Variants in PCDH15 observed in about 807,000 individuals in gnomAD.
The protein encoded by PCDH15 is protocadherin-15.
In PCDH15, 129 loss-of-function variants were observed where a neutral mutation model predicts 178.5. The observed-to-expected ratio is 0.72, with a 90% CI of 0.63 to 0.84. The LOEUF is 0.84. Ranked by LOEUF, PCDH15 falls within the 40% of genes least tolerant of loss-of-function variation. The pLI is 0.00. For missense variants in PCDH15, 2,230 were observed against 2,099.9 expected (o/e 1.06, Z -1.21); for synonymous variants, 800 against 732.0 (o/e 1.09, Z -1.50).
intron 1 of PCDH15, among the ~76,000 whole-genome samples, chr10:55,211,237 G>A (rs1317634471): frequency 6.6e-6 from 1 of 152,022 alleles, no homozygotes; most frequent in Non-Finnish European, 1.5e-5. Context: ...TGGATGATAG[G>A]TTAATATTAT....
chr10:53,878,700 T>G (rs2133311700), intron 26 of PCDH15, among the ~76,000 whole-genome samples: 1 of 151,946 alleles, frequency 6.6e-6, no homozygotes, highest in South Asian at 2.1e-4. Context: ...ACGTTTTAAT[T>G]TTGTGTGTCC....
intron 2 of PCDH15, among the ~76,000 whole-genome samples, chr10:55,470,584 C>A (rs1839935364): frequency 6.6e-6 from 1 of 152,056 alleles, no homozygotes; most frequent in Non-Finnish European, 1.5e-5. Context: ...GGCTTTTATG[C>A]ATAGCCTCTT....
chr10:55,306,216 T>C (rs1221368929), intron 1 of PCDH15, among the ~76,000 whole-genome samples: 1 of 152,216 alleles, frequency 6.6e-6, no homozygotes, highest in Non-Finnish European at 1.5e-5. Flanking sequence ...CATCAGTATT[T>C]TATTACTATT....
chr10:54,020,245 C>T lies in PCDH15; in HGVS notation c.2698G>A (p.Asp900Asn). Residue 900 changes from aspartate to asparagine, a missense_variant, in exon 20 of 38, where the codon GAT becomes AAT. By Grantham distance (23) the Asp-to-Asn change is conservative (BLOSUM62 1). Transcript: ENST00000644397. ...ASITFLVEAF[D>N]IYGTMPPGIA... ...CCAGGTGGCATTGTTCCATAAATAT[C>T]AAAGGCCTCTACCAGAAAAGTGATA... is the stretch of plus-strand genomic sequence containing the variant. The T allele has an allele frequency of 6.2e-7, 1 of 1,613,710 alleles. No homozygotes were observed. Among genetic ancestry groups the T allele is most frequent in the Non-Finnish European group, 8.5e-7 (1 of 1,179,774 alleles).
intron 2 of PCDH15, among the ~76,000 whole-genome samples, chr10:55,347,816 A>T (rs1844803397): frequency 6.6e-6 from 1 of 152,196 alleles, no homozygotes; most frequent in Admixed American, 6.5e-5. Context: ...GGCAGGAGTC[A>T]TTATAGAAAT....
At chr10:54,995,980 A>G (rs1393577582) in intron 2 of PCDH15, among the ~76,000 whole-genome samples, 1 of 152,152 alleles carries the variant, frequency 6.6e-6, no homozygotes, top group East Asian at 1.9e-4. Flanking sequence ...CTTAGCTGCA[A>G]TACCTCATTA....
intron 2 of PCDH15, among the ~76,000 whole-genome samples, chr10:55,052,023 T>C (rs1017874640): frequency 6.6e-6 from 1 of 151,128 alleles, no homozygotes; most frequent in South Asian, 2.1e-4. Context: ...TAAGAATTTG[T>C]AAAAAATAAA....
chr10:53,881,748 T>G (rs574254032), intron 26 of PCDH15, among the ~76,000 whole-genome samples: 23 of 152,176 alleles, frequency 1.5e-4, no homozygotes, highest in Admixed American at 5.2e-4. Flanking sequence ...TTGCGATGTT[T>G]TGATGTGAAT....
At chr10:54,176,405 A>G (rs2047446981) in intron 13 of PCDH15, among the ~76,000 whole-genome samples, 1 of 152,162 alleles carries the variant, frequency 6.6e-6, no homozygotes, top group Non-Finnish European at 1.5e-5. Context: ...AGAGGTAACA[A>G]TTGTACTGTG....
At chr10:55,093,161 T>C (rs1204820561) in intron 2 of PCDH15, among the ~76,000 whole-genome samples, 1 of 152,088 alleles carries the variant, frequency 6.6e-6, no homozygotes, top group Non-Finnish European at 1.5e-5. Flanking sequence ...TGGTATCCAT[T>C]ATAGTTTGGG....
chr10:53,864,057 T>C (rs570050085), intron 27 of PCDH15, among the ~76,000 whole-genome samples: 8 of 152,128 alleles, frequency 5.3e-5, no homozygotes, highest in Non-Finnish European at 1.0e-4. Context: ...CGAGGCAAAA[T>C]AGAGTGATTA....
Position 54,534,191 on chromosome 10 carries a change from C to G in PCDH15, c.92-6314G>C, listed in dbSNP as rs892379894. The stretch of plus-strand genomic sequence containing the variant: ...ATAAAATGTTTTTTCTATTTTTTTC[C>G]TTTCATGCAAGGGCTGATAGTAAAT... On this transcript the variant is annotated intron_variant, in intron 2 of 37. Coordinates refer to ENST00000644397, the MANE Select transcript of PCDH15 (RefSeq NM_001384140.1). Among the ~76,000 whole-genome samples, 5 of 151,758 alleles carry G rather than the reference C, an allele frequency of 3.3e-5. No homozygotes were observed. In the East Asian group the frequency reaches 9.6e-4, roughly 29 times the overall value.
intron 25 of PCDH15, among the ~76,000 whole-genome samples, chr10:53,936,633 G>T (rs2085598654): frequency 6.6e-6 from 1 of 151,976 alleles, no homozygotes; most frequent in African/African-American, 2.4e-5. Context: ...TATGAAATTA[G>T]CTCTAAAATT....
intron 2 of PCDH15, among the ~76,000 whole-genome samples, chr10:55,067,844 AT>A (rs1161389160): frequency 1.3e-5 from 2 of 152,136 alleles, no homozygotes; most frequent in African/African-American, 4.8e-5. Context: ...ATGATTAGTG[AT>A]GATGAGCATT....
chr10:55,481,969 T>C (rs773907625), intron 2 of PCDH15, among the ~76,000 whole-genome samples: 3 of 151,862 alleles, frequency 2.0e-5, no homozygotes, highest in Non-Finnish European at 2.9e-5. Context: ...AGTCTATGTA[T>C]CTTTGAAGGT....
intron 17 of PCDH15, among the ~76,000 whole-genome samples, chr10:54,078,786 A>G (rs937526319): frequency 6.6e-6 from 1 of 152,132 alleles, no homozygotes; most frequent in Non-Finnish European, 1.5e-5. Flanking sequence ...TTTAGGTCCA[A>G]AGGAAATAGA....
At chr10:54,326,023 G>A (rs1399001516) in intron 7 of PCDH15, among the ~76,000 whole-genome samples, 1 of 152,134 alleles carries the variant, frequency 6.6e-6, no homozygotes, top group Non-Finnish European at 1.5e-5. Context: ...TTAGACTTAT[G>A]TTACTATTGG....
intron 2 of PCDH15, among the ~76,000 whole-genome samples, chr10:55,519,778 C>A (rs1285401391): frequency 6.6e-6 from 1 of 150,978 alleles, no homozygotes. Context: ...ACATTAAAAG[C>A]ATTGTTTCTC....
At chr10:53,808,835 C>T in intron 37 of PCDH15, 1 of 1,610,478 alleles carries the variant, frequency 6.2e-7, no homozygotes, top group Non-Finnish European at 8.5e-7. Flanking sequence ...CTACCTGATT[C>T]TGATTCCTCC....
Sources: allele counts gnomAD v4.1 joint callset (sites outside exome capture counted in the v4.1 genomes callset), GRCh38; gene constraint gnomAD v4.1.1; transcripts MANE v1.5; gene names NCBI Gene and HGNC (gene_info 2026-07-23, HGNC 2026-07-21).